PRKCE: variants seen among roughly 807,000 people sequenced by gnomAD.
The protein encoded by PRKCE is protein kinase C epsilon type.
PRKCE carries 16 observed loss-of-function variants against 85.4 expected under a neutral mutation model. The ratio of observed to expected loss-of-function variants is 0.19; its 90% CI spans 0.13 to 0.28. The LOEUF (loss-of-function observed/expected upper bound fraction) is 0.28, where lower values mean the gene tolerates loss of function less well. Ranked by LOEUF, PRKCE falls within the 10% of genes least tolerant of loss-of-function variation. The pLI is 1.00. For missense variants in PRKCE, 573 were observed against 975.2 expected (o/e 0.59, Z 5.49); for synonymous variants, 388 against 371.5 (o/e 1.04, Z -0.51).
chr2:45,741,551 G>T (rs73926044), intron 1 of PRKCE, among the ~76,000 whole-genome samples: 1 of 152,156 alleles, frequency 6.6e-6, no homozygotes. Flanking sequence ...TGTTCTCCAC[G>T]TCTGACACGG....
At position 46,159,817 on chromosome 2, in the gene PRKCE, C is replaced by A. The variant is rs572249557; in HGVS notation, c.2067+65C>A. On this transcript the variant is annotated intron_variant, in intron 14 of 14. Transcript: ENST00000306156. This position sits in a 1 kb window ranked among gnomAD's most constrained non-coding sequence, Gnocchi z 4.1. ...GCCCAGGTACTTGCAGGACAGGCTG[C>A]GTGCACCCAGGAAGAGTTGGTCAGG... is the stretch of plus-strand genomic sequence containing the variant. The A allele has an allele frequency of 1.6e-5, 26 of 1,576,610 alleles. No homozygotes were observed. The African/African-American group carries it at 3.2e-4, about 20-fold the overall frequency.
At chr2:46,119,512 T>C (rs923856311) in intron 11 of PRKCE, among the ~76,000 whole-genome samples, 2 of 152,200 alleles carry the variant, frequency 1.3e-5, no homozygotes, top group African/African-American at 4.8e-5. Context: ...CCTAAGGGCT[T>C]GTGTTTTCCG....
intron 1 of PRKCE, among the ~76,000 whole-genome samples, chr2:45,751,723 T>A (rs1683574444): frequency 6.6e-6 from 1 of 151,974 alleles, no homozygotes; most frequent in South Asian, 2.1e-4. Flanking sequence ...CAAAACACAT[T>A]TTTGAAAGTA....
At chr2:46,174,332 C>T (rs1010386254) in intron 14 of PRKCE, among the ~76,000 whole-genome samples, 1 of 152,230 alleles carries the variant, frequency 6.6e-6, no homozygotes, top group Non-Finnish European at 1.5e-5. Flanking sequence ...TCTTCATTTT[C>T]TTCTCCCTTA....
intron 2 of PRKCE, among the ~76,000 whole-genome samples, chr2:45,969,280 G>A (rs567190231): frequency 1.3e-5 from 2 of 152,006 alleles, no homozygotes; most frequent in Non-Finnish European, 2.9e-5. Flanking sequence ...GCTTTGTCTT[G>A]GCCTTTCCTT....
chr2:46,007,320 C>A, intron 8 of PRKCE, 142 bp from the exon 9 acceptor site: 2 of 779,184 alleles, frequency 2.6e-6, no homozygotes, highest in Non-Finnish European at 4.1e-6. Flanking sequence ...AAGGAACATA[C>A]AAAGGGATGT....
At chr2:45,712,375 G>A (rs1303522580) in intron 1 of PRKCE, among the ~76,000 whole-genome samples, 2 of 151,452 alleles carry the variant, frequency 1.3e-5, no homozygotes, top group African/African-American at 4.9e-5. Flanking sequence ...GGCTGGTCTC[G>A]AACTTCTGAC....
At chr2:45,997,330 CTTA>C (rs1189540317) in intron 6 of PRKCE, among the ~76,000 whole-genome samples, 1 of 151,724 alleles carries the variant, frequency 6.6e-6, no homozygotes, top group Non-Finnish European at 1.5e-5. Flanking sequence ...TGCTCTAATT[CTTA>C]TTATTTCTTT....
intron 10 of PRKCE, among the ~76,000 whole-genome samples, chr2:46,015,566 C>T (rs892469450): frequency 3.9e-5 from 6 of 151,936 alleles, no homozygotes; most frequent in Non-Finnish European, 7.4e-5. Flanking sequence ...CAACGGGAGA[C>T]GTTTTTCAAA....
chr2:45,773,454 C>T (rs1188585250), intron 1 of PRKCE, among the ~76,000 whole-genome samples: 1 of 152,198 alleles, frequency 6.6e-6, no homozygotes, highest in African/African-American at 2.4e-5. Context: ...CTGTCATCCT[C>T]CTTGTGCAGA....
At position 45,652,040 on chromosome 2, in the gene PRKCE, T is replaced by G. The variant is rs1572858030; in HGVS notation, c.-61T>G. 4 of 1,346,498 alleles carry G rather than the reference T, an allele frequency of 3.0e-6. No homozygotes were observed. Among genetic ancestry groups the G allele is most frequent in the African/African-American group, 1.5e-5 (1 of 68,084 alleles). 83.4% of individuals were successfully genotyped at this position (1,346,498 alleles called of 1,614,324 possible). A position where few individuals can be genotyped will look rare whatever the true frequency, so the allele number is the denominator to read the frequency against. On this transcript the variant is annotated 5_prime_UTR_variant, in exon 1 of 15. Transcript: ENST00000306156. The surrounding 1 kb of genome is among the most constrained non-coding windows in gnomAD (Gnocchi z 7.7). ...GTGGCTCGGAGTGCCGGGCCGTCGG[T>G]TCTTCATTCCTGCCCTCGGGGCAGA...
chr2:46,153,898 T>A (rs1676918142), intron 13 of PRKCE, among the ~76,000 whole-genome samples: 1 of 150,546 alleles, frequency 6.6e-6, no homozygotes, highest in South Asian at 2.1e-4. Context: ...GAGATTCTCC[T>A]GCCTCAGCCT....
intron 9 of PRKCE, 57 bp from the exon 10 acceptor site, chr2:46,010,287 C>T: frequency 6.7e-7 from 1 of 1,491,052 alleles, no homozygotes; most frequent in Non-Finnish European, 8.9e-7. Flanking sequence ...TTAGCTTACA[C>T]TTCTTCTTTT....
In PRKCE at chr2:46,004,594, AG is replaced by A; in HGVS notation, c.1021del (p.Glu341LysfsTer16). 6.3e-7 allele frequency: 1 copy of A among 1,591,954 alleles called. No individual in the cohort carries two copies. Among genetic ancestry groups the A allele is most frequent in the Non-Finnish European group, 8.5e-7 (1 of 1,176,450 alleles). ...CCTGCTTCTGGAAGCTCACCATCTG[AG>A]GAAGATCGATCCAAGTCAGCACCCA... is the stretch of plus-strand genomic sequence containing the variant. ...PQPASGSSPS[E>X]EDRSKSAPTS... is the part of the protein sequence containing the mutation. On this transcript the variant is annotated frameshift_variant, in exon 8 of 15. Transcript: ENST00000306156. LOFTEE classifies it high-confidence loss of function. The surrounding 1 kb of genome is among the most constrained non-coding windows in gnomAD (Gnocchi z 4.1).
intron 10 of PRKCE, among the ~76,000 whole-genome samples, chr2:46,019,847 CTTTTTT>C (rs869079304): frequency 9.4e-6 from 1 of 105,914 alleles, no homozygotes; most frequent in Non-Finnish European, 1.8e-5. Context: ...TTGGTTTTCT[CTTTTTT>C]TTTTTTTTTT....
intron 1 of PRKCE, chr2:45,701,403 C>T (rs1678628787): frequency 6.6e-6 from 1 of 152,174 alleles, no homozygotes; most frequent in African/African-American, 2.4e-5. Context: ...GAATCCTTTA[C>T]TTACCTGTGC....
intron 1 of PRKCE, among the ~76,000 whole-genome samples, chr2:45,719,488 C>T (rs1680430685): frequency 6.6e-6 from 1 of 152,196 alleles, no homozygotes; most frequent in South Asian, 2.1e-4. Flanking sequence ...TTTGGGGCTC[C>T]TTCCCTCACT....
At chr2:45,827,536 C>G (rs1482087218) in intron 1 of PRKCE, among the ~76,000 whole-genome samples, 1 of 152,158 alleles carries the variant, frequency 6.6e-6, no homozygotes, top group African/African-American at 2.4e-5. Flanking sequence ...ATGTAGAAAA[C>G]AAGCACAGAT....
At chr2:45,814,505 A>AT (rs1242245766) in intron 1 of PRKCE, among the ~76,000 whole-genome samples, 1 of 152,154 alleles carries the variant, frequency 6.6e-6, no homozygotes, top group African/African-American at 2.4e-5. Context: ...CTCCAGAGGG[A>AT]TTTTAGAAAT....
Sources: allele counts gnomAD v4.1 joint callset (sites outside exome capture counted in the v4.1 genomes callset), GRCh38; gene constraint gnomAD v4.1.1; non-coding constraint Gnocchi (gnomAD v3.1); transcripts MANE v1.5; gene names NCBI Gene and HGNC (gene_info 2026-07-23, HGNC 2026-07-21).